Variants in NPC1L1 observed in about 807,000 individuals in gnomAD.
The protein encoded by NPC1L1 is NPC1-like intracellular cholesterol transporter 1.
A neutral mutation model predicts 117.0 loss-of-function variants in NPC1L1; 98 were observed. The observed-to-expected ratio is 0.84, with a 90% CI of 0.71 to 0.99. The LOEUF (loss-of-function observed/expected upper bound fraction) is 0.99. Ranked by LOEUF, NPC1L1 falls within the 50% of genes least tolerant of loss-of-function variation. The probability of loss-of-function intolerance (pLI) is 0.00; values close to 1 mark genes in which losing one functional copy is unlikely to be tolerated. For synonymous variants in NPC1L1, 729 were observed against 727.6 expected (o/e 1.00, Z -0.03); for missense variants, 1,540 against 1,710.0 (o/e 0.90, Z 1.75).
chr7:44,521,157 G>A (rs774251389), intron 12 of NPC1L1, 39 bp from the exon 13 acceptor site: 4 of 1,613,326 alleles, frequency 2.5e-6, no homozygotes, highest in Non-Finnish European at 3.4e-6. Context: ...GACACCCCAG[G>A]GCCAGCAGCT....
At chr7:44,527,461 CAA>C (rs1160435212) in intron 10 of NPC1L1, among the ~76,000 whole-genome samples, 144 of 40,094 alleles carry the variant, frequency 3.6e-3, no homozygotes, top group African/African-American at 0.011. Context: ...AACAACTTCT[CAA>C]AAAAAAAAAA....
rs929963098 is a variant in NPC1L1, at chr7:44,536,745, C to G, written c.1681+97G>C. 227 of 1,111,732 alleles carry G rather than the reference C, an allele frequency of 2.0e-4. No individual in the cohort carries two copies. Among genetic ancestry groups the G allele is most frequent in the Non-Finnish European group, 2.5e-4 (187 of 737,828 alleles). The allele number at this position is 1,111,732 out of a possible 1,614,324, so 68.9% of individuals were successfully genotyped here. On this transcript the variant is annotated intron_variant, in intron 3 of 18. Coordinates refer to ENST00000381160, the MANE Select transcript of NPC1L1 (RefSeq NM_001101648.2). This position sits in a 1 kb window ranked among gnomAD's most constrained non-coding sequence, Gnocchi z 4.7. ...TCCAGAAGCCAGGCTACCCCCAGGC[C>G]GCGAGAATCCCCAGCACCACTCCCA...
At position 44,537,851 on chromosome 7, in the gene NPC1L1, G is replaced by A. The variant is rs189688329; in HGVS notation, c.1581-909C>T. Among the ~76,000 whole-genome samples the A allele has an allele frequency of 1.0e-3, 152 of 152,284 alleles. 2 individuals are homozygous for A. In the East Asian group the frequency reaches 0.026, roughly 26 times the overall value. On this transcript the variant is annotated intron_variant, in intron 2 of 18. Coordinates refer to ENST00000381160, the MANE Select transcript of NPC1L1 (RefSeq NM_001101648.2). ...CCCAGAGCAAACAATGGCTCCTCTC[G>A]TTCCTGCTATTTCCAAGAGAGAGCC...
rs1489001097 is a variant in NPC1L1, at chr7:44,539,665, A to G, written c.732T>C (p.Asn244=). 6.2e-7 allele frequency: 1 copy of G among 1,613,890 alleles called. No individual in the cohort carries two copies. Among genetic ancestry groups the G allele is most frequent in the South Asian group, 1.1e-5 (1 of 91,082 alleles). ...TCGCCACGTCGTCACCTTGGGACTC[A>G]TTGCAACGTGCAACCCCCTCATTCA... The part of the protein sequence containing the change: ...QPLNEGVARC[N]ESQGDDVATC... Residue 244 remains asparagine (N), a synonymous_variant, in exon 2 of 19, where the codon AAT becomes AAC. Coordinates refer to ENST00000381160, the MANE Select transcript of NPC1L1 (RefSeq NM_001101648.2). The surrounding 1 kb of genome is among the most constrained non-coding windows in gnomAD (Gnocchi z 4.4).
At chr7:44,530,231 G>C (rs1308665325) in intron 10 of NPC1L1, among the ~76,000 whole-genome samples, 1 of 151,770 alleles carries the variant, frequency 6.6e-6, no homozygotes, top group Non-Finnish European at 1.5e-5. Flanking sequence ...CCAGTTACTT[G>C]GGAGGCTGAG....
In NPC1L1 at chr7:44,540,134, T is replaced by C; in HGVS notation, c.263A>G (p.Gln88Arg). 4 of 1,613,966 alleles carry C rather than the reference T, an allele frequency of 2.5e-6. No individual in the cohort carries two copies. The highest frequency in any genetic ancestry group is 3.4e-6 in the Non-Finnish European group (4 of 1,179,958). The change falls in exon 2 of 19, where the codon CAA (glutamine) becomes CGA (arginine). Residue 88 changes from glutamine (Q) to arginine (R), a missense_variant. Transcript: ENST00000381160. ...CPRLYTGPNT[Q>R]ACCSAKQLVS... Reference sequence around the variant, plus strand: ...CAGCTGCTTGGCGGAGCAGCAGGCTTGGGTGTTGGGGCCGGTGTAGAGGCG... The same window carrying C: ...CAGCTGCTTGGCGGAGCAGCAGGCTCGGGTGTTGGGGCCGGTGTAGAGGCG...
Position 44,539,639 on chromosome 7 carries a change from G to T in NPC1L1, c.758C>A (p.Thr253Asn). The stretch of plus-strand genomic sequence containing the variant: ...TGCAGCACAGTCTTGGCAGGAGCAG[G>T]TCGCCACGTCGTCACCTTGGGACTC... ...CNESQGDDVA[T>N]CSCQDCAASC... Residue 253 changes from threonine (T) to asparagine (N), a missense_variant, in exon 2 of 19, where the codon ACC (threonine) becomes AAC (asparagine). By Grantham distance (65) the Thr-to-Asn change is moderately conservative. Transcript: ENST00000381160. This position sits in a 1 kb window ranked among gnomAD's most constrained non-coding sequence, Gnocchi z 4.4. The T allele has an allele frequency of 6.2e-7, 1 of 1,613,814 alleles. No individual in the cohort carries two copies. Among genetic ancestry groups the T allele is most frequent in the Non-Finnish European group, 8.5e-7 (1 of 1,180,028 alleles).
At chr7:44,519,523 G>T (rs1444000595) in intron 14 of NPC1L1, among the ~76,000 whole-genome samples, 1 of 152,078 alleles carries the variant, frequency 6.6e-6, no homozygotes, top group Non-Finnish European at 1.5e-5. Context: ...CTGGAAGGGT[G>T]GGGTGAGCGA....
intron 18 of NPC1L1, among the ~76,000 whole-genome samples, chr7:44,514,560 C>G (rs1049966772): frequency 2.6e-5 from 4 of 152,022 alleles, no homozygotes; most frequent in Admixed American, 2.0e-4. Context: ...CCCAGCTACT[C>G]GAGAGGCTGA....
chr7:44,521,639 A>C (rs1801355610), intron 12 of NPC1L1, 73 bp downstream of exon 12: 7 of 1,610,044 alleles, frequency 4.3e-6, no homozygotes, highest in Middle Eastern at 3.3e-4. Context: ...GAGCCTCTCC[A>C]GTCCTCTCCT....
intron 10 of NPC1L1, among the ~76,000 whole-genome samples, chr7:44,526,497 C>T (rs1378536708): frequency 8.8e-5 from 12 of 136,286 alleles, no homozygotes; most frequent in African/African-American, 2.8e-4. Flanking sequence ...TGCAGTGAGC[C>T]GAGATCACAC....
Position 44,536,842 on chromosome 7 carries a change from C to G in NPC1L1, c.1681G>C (p.Gly561Arg). The change falls in exon 3 of 19, where the codon GGA becomes CGA. Residue 561 changes from glycine to arginine, a missense_variant and splice_region_variant. Transcript: ENST00000381160. The surrounding 1 kb of genome is among the most constrained non-coding windows in gnomAD (Gnocchi z 4.7). ...FPFLAIGGYKGKDYSEAEALI... is the reference protein window; with the variant it reads ...FPFLAIGGYKRKDYSEAEALI... ...TCCTCTCAGGGCCCACTTAGCTTACCTTTGTACCCCCCAATGGCAAGGAAG... is the reference window on the plus strand; with the variant it reads ...TCCTCTCAGGGCCCACTTAGCTTACGTTTGTACCCCCCAATGGCAAGGAAG... The G allele has an allele frequency of 6.2e-7, 1 of 1,613,604 alleles. No homozygotes were observed. Among genetic ancestry groups the G allele is most frequent in the Non-Finnish European group, 8.5e-7 (1 of 1,179,524 alleles).
Position 44,539,722 on chromosome 7 carries a change from A to G in NPC1L1, c.675T>C (p.Pro225=). ...GAATCCCACTCCCCACGGCCTGGCC[A>G]GGCTCCAAGAGGTGGAAGGTGATGT... ...PLDITFHLLE[P]GQAVGSGIQP... is the part of the protein sequence containing the mutation. The change falls in exon 2 of 19, where the codon CCT becomes CCC. Residue 225 remains proline (P), a synonymous_variant. Coordinates refer to ENST00000381160, the MANE Select transcript of NPC1L1 (RefSeq NM_001101648.2). The surrounding 1 kb of genome is among the most constrained non-coding windows in gnomAD (Gnocchi z 4.4). The G allele has an allele frequency of 1.2e-6, 2 of 1,614,096 alleles. No homozygotes were observed. The highest frequency in any genetic ancestry group is 1.7e-6 in the Non-Finnish European group (2 of 1,180,020).
At chr7:44,525,874 T>G (rs1211098360) in intron 10 of NPC1L1, among the ~76,000 whole-genome samples, 1 of 152,224 alleles carries the variant, frequency 6.6e-6, no homozygotes, top group Non-Finnish European at 1.5e-5. Flanking sequence ...AGATTGAAAG[T>G]GCTGAAGAAT....
At position 44,535,839 on chromosome 7, in the gene NPC1L1, C is replaced by T. The variant is rs1165513225; in HGVS notation, c.1983+1G>A. ...TTAGCTGTGTCCCTCCCGCTTCTCACCATCACTCGGCTCCAGCTGGAATAG... is the reference window on the plus strand; with the variant it reads ...TTAGCTGTGTCCCTCCCGCTTCTCATCATCACTCGGCTCCAGCTGGAATAG... On this transcript the variant is annotated splice_donor_variant, in intron 5 of 18. Coordinates refer to ENST00000381160, the MANE Select transcript of NPC1L1 (RefSeq NM_001101648.2). LOFTEE classifies it high-confidence loss of function. 1 of 1,612,832 alleles carries T rather than the reference C, an allele frequency of 6.2e-7. No homozygotes were observed.
In NPC1L1 at chr7:44,531,732, G is replaced by T. The variant is rs767679548; in HGVS notation, c.2637+23C>A. ...CCTCCCCAAATCCCAGGGGCCTAAG[G>T]GTTGAGAAGGGCCTGGGCTCACCTT... On this transcript the variant is annotated intron_variant, in intron 10 of 18. Coordinates refer to ENST00000381160, the MANE Select transcript of NPC1L1 (RefSeq NM_001101648.2). The T allele has an allele frequency of 5.5e-5, 86 of 1,554,126 alleles. No homozygotes were observed. The South Asian group carries it at 9.6e-4, about 17-fold the overall frequency.
chr7:44,515,039 GTAAAA>G (rs1000669802), intron 18 of NPC1L1, among the ~76,000 whole-genome samples: 3 of 150,764 alleles, frequency 2.0e-5, no homozygotes, highest in South Asian at 2.1e-4. Context: ...ATAATGTAAA[GTAAAA>G]TAAAATAAAT....
chr7:44,533,296 T>C lies in NPC1L1; in HGVS notation c.2409+135A>G, dbSNP rs1040453942. ...AATTGGAGAATACATGGCCTAAATA[T>C]TACTCTCCTGGCACAATGCCCCTGT... On this transcript the variant is annotated intron_variant, in intron 8 of 18. Transcript: ENST00000381160. 30 of 1,058,450 alleles carry C rather than the reference T, an allele frequency of 2.8e-5. No homozygotes were observed. The Admixed American group carries it at 6.8e-4, about 24-fold the overall frequency. 65.6% of individuals were successfully genotyped at this position (1,058,450 alleles called of 1,614,324 possible). A position where few individuals can be genotyped will look rare whatever the true frequency, so the allele number is the denominator to read the frequency against.
Position 44,533,529 on chromosome 7 carries a change from T to C in NPC1L1, c.2311A>G (p.Thr771Ala). 1 of 1,614,118 alleles carries C rather than the reference T, an allele frequency of 6.2e-7. No individual in the cohort carries two copies. The highest frequency in any genetic ancestry group is 8.5e-7 in the Non-Finnish European group (1 of 1,180,020). ...GCAAGGCCAGAGGTCAGGGCAAAGGTCCGCACAGCTGGCATGGGGGTCAGG... is the reference window on the plus strand; with the variant it reads ...GCAAGGCCAGAGGTCAGGGCAAAGGCCCGCACAGCTGGCATGGGGGTCAGG... The part of the protein sequence containing the change: ...GALTPMPAVR[T>A]FALTSGLAVI... The change falls in exon 8 of 19, where the codon ACC becomes GCC. Residue 771 changes from threonine to alanine, a missense_variant. Physicochemically the swap from Thr to Ala is moderately conservative, Grantham distance 58. Transcript: ENST00000381160.
Sources: allele counts gnomAD v4.1 joint callset (sites outside exome capture counted in the v4.1 genomes callset), GRCh38; gene constraint gnomAD v4.1.1; non-coding constraint Gnocchi (gnomAD v3.1); transcripts MANE v1.5; gene names NCBI Gene and HGNC (gene_info 2026-07-23, HGNC 2026-07-21).